The following XKR6 variants were observed in gnomAD, a reference collection of about 807,000 sequenced individuals.
The protein encoded by XKR6 is XK-related protein 6.
A neutral mutation model predicts 56.7 loss-of-function variants in XKR6; 22 were observed. That is an observed-to-expected ratio of 0.39 (90% CI 0.28 to 0.55). The LOEUF (loss-of-function observed/expected upper bound fraction) is 0.55, where lower values mean the gene tolerates loss of function less well. Ranked by LOEUF, XKR6 falls within the 20% of genes least tolerant of loss-of-function variation. The pLI, the probability that XKR6 is intolerant of heterozygous loss-of-function variation, is 0.66. For synonymous variants in XKR6, 524 were observed against 387.8 expected, an observed-to-expected ratio of 1.35 and a Z score of -4.13; for missense variants, 852 against 889.0, an observed-to-expected ratio of 0.96 and a Z score of 0.53.
At position 11,113,987 on chromosome 8, in the gene XKR6, G is replaced by T. The variant is rs192678895; in HGVS notation, c.764+86589C>A. 226 of 374,708 alleles carry T rather than the reference G, an allele frequency of 6.0e-4. 1 individual carries two copies. In the Middle Eastern group the frequency reaches 7.0e-3, roughly 12 times the overall value. The allele number at this position is 374,708 out of a possible 1,614,324, so 23.2% of individuals were successfully genotyped here. ...GCTGGCTTTGCCATTTACCATGCGGGCTGAAGTGGTTTCAGGACGAGGCGA... is the reference window on the plus strand; with the variant it reads ...GCTGGCTTTGCCATTTACCATGCGGTCTGAAGTGGTTTCAGGACGAGGCGA... On this transcript the variant is annotated intron_variant, in intron 1 of 2. Coordinates refer to ENST00000416569, the MANE Select transcript of XKR6 (RefSeq NM_173683.4).
chr8:10,929,867 A>G (rs1586318382), intron 1 of XKR6, among the ~76,000 whole-genome samples: 2 of 152,060 alleles, frequency 1.3e-5, no homozygotes, highest in African/African-American at 4.8e-5. Flanking sequence ...CACTCTGCTT[A>G]TATCTTTCTA....
intron 1 of XKR6, among the ~76,000 whole-genome samples, chr8:11,191,701 G>GAAA (rs145736616): frequency 2.4e-5 from 2 of 83,510 alleles, no homozygotes; most frequent in African/African-American, 3.3e-5. Flanking sequence ...AATGTCATGA[G>GAAA]AAAAAAAAAA....
intron 1 of XKR6, among the ~76,000 whole-genome samples, chr8:10,961,890 C>T (rs1563314102): frequency 6.6e-6 from 1 of 152,186 alleles, no homozygotes; most frequent in Non-Finnish European, 1.5e-5. Context: ...ACCTGAGAGG[C>T]CCAAGAATCA....
chr8:10,918,225 C>T (rs966456639), intron 2 of XKR6, among the ~76,000 whole-genome samples: 3 of 152,202 alleles, frequency 2.0e-5, no homozygotes, highest in Non-Finnish European at 4.4e-5. Context: ...TAGACCCATC[C>T]CCTTGCCTCC....
At chr8:10,991,373 C>CT (rs766006095) in intron 1 of XKR6, among the ~76,000 whole-genome samples, 10 of 152,188 alleles carry the variant, frequency 6.6e-5, no homozygotes, top group Non-Finnish European at 1.2e-4. Context: ...GCAACTGCCT[C>CT]TTTCACTTTG....
At chr8:11,054,492 T>C (rs1433056372) in intron 1 of XKR6, among the ~76,000 whole-genome samples, 1 of 152,014 alleles carries the variant, frequency 6.6e-6, no homozygotes, top group Non-Finnish European at 1.5e-5. Flanking sequence ...TATCTGAGAG[T>C]GCATGGGTGG....
At chr8:11,076,731 C>T (rs1276616536) in intron 1 of XKR6, among the ~76,000 whole-genome samples, 3 of 152,212 alleles carry the variant, frequency 2.0e-5, no homozygotes, top group East Asian at 3.8e-4. Context: ...CCTCAGCCAG[C>T]GCAGGCAGCG....
intron 1 of XKR6, among the ~76,000 whole-genome samples, chr8:11,143,617 A>T (rs1471020670): frequency 6.6e-6 from 1 of 152,202 alleles, no homozygotes; most frequent in African/African-American, 2.4e-5. Context: ...GGGGTGAAGG[A>T]ACTATAAAGA....
At chr8:10,951,297 G>T (rs1801713443) in intron 1 of XKR6, among the ~76,000 whole-genome samples, 1 of 129,550 alleles carries the variant, frequency 7.7e-6, no homozygotes. Context: ...GTGTGTGTGT[G>T]TGGGGGGGGG....
chr8:10,924,674 G>A lies in XKR6; in HGVS notation c.921C>T (p.Leu307=). The A allele has an allele frequency of 6.2e-7, 1 of 1,612,894 alleles. No individual in the cohort carries two copies. The highest frequency in any genetic ancestry group is 8.5e-7 in the Non-Finnish European group (1 of 1,179,886). The change falls in exon 2 of 3, where the codon CTC becomes CTT. Residue 307 remains leucine, a synonymous_variant. Coordinates refer to ENST00000416569, the MANE Select transcript of XKR6 (RefSeq NM_173683.4). ...LESAPQLVLQ[L]YIMLQKNSAE... The stretch of plus-strand genomic sequence containing the variant: ...CGCTGTTCTTCTGGAGCATGATGTA[G>A]AGCTGTAGCACCAGTTGGGGCGCGC...
At chr8:10,990,858 C>G (rs1345273020) in intron 1 of XKR6, among the ~76,000 whole-genome samples, 1 of 146,778 alleles carries the variant, frequency 6.8e-6, no homozygotes, top group Non-Finnish European at 1.5e-5. Flanking sequence ...GGTAGGATTA[C>G]AGGTGTTCAT....
intron 2 of XKR6, among the ~76,000 whole-genome samples, chr8:10,909,424 A>G (rs1359738582): frequency 6.6e-6 from 1 of 152,046 alleles, no homozygotes; most frequent in Admixed American, 6.5e-5. Context: ...CCACCATAGC[A>G]TTTTGCACCA....
chr8:10,943,853 A>G (rs1367579549), intron 1 of XKR6, among the ~76,000 whole-genome samples: 1 of 151,984 alleles, frequency 6.6e-6, no homozygotes, highest in African/African-American at 2.4e-5. Flanking sequence ...ATCCCTACGA[A>G]TGAGATCATC....
At chr8:11,093,917 G>C (rs1175787482) in intron 1 of XKR6, among the ~76,000 whole-genome samples, 1 of 151,296 alleles carries the variant, frequency 6.6e-6, no homozygotes, top group East Asian at 2.0e-4. Flanking sequence ...CCAAGTAGCT[G>C]GGACTACAGG....
chr8:10,909,449 T>C (rs1800285521), intron 2 of XKR6, among the ~76,000 whole-genome samples: 1 of 152,222 alleles, frequency 6.6e-6, no homozygotes, highest in Admixed American at 6.5e-5. Context: ...GATCAACTTT[T>C]CTCCTGCTTT....
At chr8:10,957,302 C>T (rs1801918919) in intron 1 of XKR6, among the ~76,000 whole-genome samples, 2 of 152,170 alleles carry the variant, frequency 1.3e-5, no homozygotes, top group South Asian at 4.1e-4. Context: ...ATCAGGAAAG[C>T]ACAGAAAGGC....
Position 10,958,545 on chromosome 8 carries a change from T to G in XKR6, c.765-33715A>C, listed in dbSNP as rs114160487. Among the ~76,000 whole-genome samples, 1,246 of 152,090 alleles carry G rather than the reference T, an allele frequency of 8.2e-3. 6 individuals carry two copies. Among genetic ancestry groups the G allele is most frequent in the Middle Eastern group, 0.017 (5 of 294 alleles). On this transcript the variant is annotated intron_variant, in intron 1 of 2. Transcript: ENST00000416569. ...TGGGAGGCTTTCATCACCCGAGACA[T>G]GGCATGCCAGCACCCATGAGGGAAA... is the stretch of plus-strand genomic sequence containing the variant.
intron 1 of XKR6, among the ~76,000 whole-genome samples, chr8:10,976,847 T>C (rs1255749039): frequency 3.3e-5 from 5 of 152,002 alleles, no homozygotes; most frequent in African/African-American, 1.2e-4. Context: ...CGATGTGGCC[T>C]CCCTGAAAGA....
intron 1 of XKR6, among the ~76,000 whole-genome samples, chr8:11,089,744 T>C (rs914146687): frequency 2.0e-5 from 3 of 152,260 alleles, no homozygotes; most frequent in South Asian, 2.1e-4. Context: ...GCGTTTTGCA[T>C]AGTTCTACTT....
Sources: gnomAD v4.1 joint callset for allele counts (sites outside exome capture counted in the v4.1 genomes callset) on GRCh38, gnomAD v4.1.1 for gene constraint, MANE v1.5 for transcripts, NCBI Gene and HGNC (gene_info 2026-07-23, HGNC 2026-07-21) for gene names.